Variants in NUP107 observed in about 807,000 individuals in gnomAD.
NUP107 encodes the protein nuclear pore complex protein Nup107.
In NUP107, 101 loss-of-function variants were observed where a neutral mutation model predicts 141.0. The ratio of observed to expected loss-of-function variants is 0.72; its 90% CI spans 0.61 to 0.84. The LOEUF is 0.84. Ranked by LOEUF, NUP107 falls within the 40% of genes least tolerant of loss-of-function variation. The pLI, the probability that NUP107 is intolerant of heterozygous loss-of-function variation, is 0.00. For missense variants in NUP107, 941 were observed against 1,102.7 expected, an observed-to-expected ratio of 0.85 and a Z score of 2.08; for synonymous variants, 319 against 363.9, an observed-to-expected ratio of 0.88 and a Z score of 1.41.
intron 26 of NUP107, among the ~76,000 whole-genome samples, chr12:68,739,028 G>A (rs1295461018): frequency 6.6e-6 from 1 of 151,240 alleles, no homozygotes; most frequent in Non-Finnish European, 1.5e-5. Flanking sequence ...ACTATATCCT[G>A]GCATTCTGGG....
At chr12:68,723,728 C>T (rs991808640) in intron 17 of NUP107, among the ~76,000 whole-genome samples, 3 of 152,120 alleles carry the variant, frequency 2.0e-5, no homozygotes, top group African/African-American at 7.2e-5. Flanking sequence ...TTATGTTTTG[C>T]CAATCCATCA....
At chr12:68,709,415 T>G in intron 9 of NUP107, 106 bp downstream of exon 9, 1 of 616,424 alleles carries the variant, frequency 1.6e-6, no homozygotes, top group Non-Finnish European at 2.8e-6. Flanking sequence ...CTGAATTTTT[T>G]TTCTACTTGA....
Position 68,744,342 on chromosome 12 carries a change from A to T in NUP107, c.*1880A>T, listed in dbSNP as rs1878435416. 1 of 151,884 alleles carries T rather than the reference A, an allele frequency of 6.6e-6. No homozygotes were observed. Among genetic ancestry groups the T allele is most frequent in the Admixed American group, 6.6e-5 (1 of 15,242 alleles). 9.4% of individuals were successfully genotyped at this position (151,884 alleles called of 1,614,324 possible). A position where few individuals can be genotyped will look rare whatever the true frequency, so the allele number is the denominator to read the frequency against. On this transcript the variant is annotated 3_prime_UTR_variant, in exon 28 of 28. Transcript: ENST00000229179. ...AATTACAAAATTCCTTCAACCTTAG[A>T]CTCTTAATTAGGATGCCCTCAAATG...
chr12:68,700,179 C>T lies in NUP107; in HGVS notation c.553-547C>T, dbSNP rs1484967857. ...TCGGCCTCCCAAAGTGCTGGGATTA[C>T]AAGCGTGAGTCACCACGCCCAGCCT... is the stretch of plus-strand genomic sequence containing the variant. On this transcript the variant is annotated intron_variant, in intron 6 of 27. Transcript: ENST00000229179. Among the ~76,000 whole-genome samples the T allele has an allele frequency of 2.0e-5, 3 of 152,288 alleles. No individual in the cohort carries two copies. In the East Asian group the frequency reaches 5.8e-4, roughly 29 times the overall value.
chr12:68,736,210 G>A (rs1338020019), intron 26 of NUP107, among the ~76,000 whole-genome samples: 1 of 152,078 alleles, frequency 6.6e-6, no homozygotes, highest in African/African-American at 2.4e-5. Flanking sequence ...AACAGTAAGT[G>A]TTCTTGGTAT....
At chr12:68,694,156 T>C (rs1187572009) in intron 5 of NUP107, among the ~76,000 whole-genome samples, 1 of 152,228 alleles carries the variant, frequency 6.6e-6, no homozygotes, top group African/African-American at 2.4e-5. Context: ...TACTTTCTTG[T>C]AGTATCTGTC....
At chr12:68,699,652 G>GA (rs1488857434) in intron 6 of NUP107, among the ~76,000 whole-genome samples, 1 of 152,178 alleles carries the variant, frequency 6.6e-6, no homozygotes, top group Non-Finnish European at 1.5e-5. Flanking sequence ...TAAGACAGTA[G>GA]TAACATTACT....
At chr12:68,720,477 G>T (rs1334102144) in intron 14 of NUP107, among the ~76,000 whole-genome samples, 1 of 152,114 alleles carries the variant, frequency 6.6e-6, no homozygotes, top group Non-Finnish European at 1.5e-5. Flanking sequence ...GAATTATTTG[G>T]ACACTAAGTC....
Position 68,742,424 on chromosome 12 carries a change from C to G in NUP107, c.2740C>G (p.Gln914Glu). Residue 914 changes from glutamine (Q) to glutamate (E), a missense_variant, in exon 28 of 28, where the codon CAG becomes GAG. Gln to Glu is a conservative substitution (Grantham distance 29). Transcript: ENST00000229179. Reference sequence around the variant, plus strand: ...AGAGTCCTCTCTAATGCTCCTAGACCAGGGACTTGACCCATTAGGGTATGA... The same window carrying G: ...AGAGTCCTCTCTAATGCTCCTAGACGAGGGACTTGACCCATTAGGGTATGA... ...LRESSLMLLDQGLDPLGYEIQ... is the reference protein window; with the variant it reads ...LRESSLMLLDEGLDPLGYEIQ... 1 of 1,606,902 alleles carries G rather than the reference C, an allele frequency of 6.2e-7. No homozygotes were observed. Among genetic ancestry groups the G allele is most frequent in the Middle Eastern group, 1.7e-4 (1 of 6,042 alleles).
chr12:68,709,767 T>C (rs1876760125), intron 9 of NUP107, among the ~76,000 whole-genome samples: 1 of 151,892 alleles, frequency 6.6e-6, no homozygotes, highest in Non-Finnish European at 1.5e-5. Flanking sequence ...TGGGCGCCTG[T>C]AGTCCCAGCT....
rs139222679 is a variant in NUP107, at chr12:68,712,696, G to T, written c.891-1034G>T. 2.9e-3 allele frequency among the ~76,000 whole-genome samples: 415 copies of T among 145,482 alleles called. 3 individuals are homozygous for T. The highest frequency in any genetic ancestry group is 0.01 in the African/African-American group (394 of 39,346). On this transcript the variant is annotated intron_variant, in intron 10 of 27. Transcript: ENST00000229179. ...GTTGGGTTTTTACAATTTTTAATGA[G>T]TTAATCTCCTTTTTTTTGCTGATCA...
chr12:68,724,329 T>C (rs1037326733), intron 17 of NUP107, among the ~76,000 whole-genome samples: 3 of 152,180 alleles, frequency 2.0e-5, no homozygotes. Context: ...AAATAAGACA[T>C]AAATAAATAG....
chr12:68,705,015 G>A (rs1227750598), intron 8 of NUP107, among the ~76,000 whole-genome samples: 1 of 151,736 alleles, frequency 6.6e-6, no homozygotes, highest in Non-Finnish European at 1.5e-5. Flanking sequence ...CCCAAGTAGC[G>A]AGGACTACAG....
intron 20 of NUP107, among the ~76,000 whole-genome samples, chr12:68,728,381 C>T (rs982628886): frequency 9.4e-5 from 14 of 149,560 alleles, no homozygotes; most frequent in African/African-American, 3.2e-4. Context: ...CGCTTGAGCC[C>T]AGGAGTTCAA....
chr12:68,721,434 C>T (rs1877344120), intron 15 of NUP107, among the ~76,000 whole-genome samples: 3 of 152,044 alleles, frequency 2.0e-5, no homozygotes, highest in Admixed American at 2.0e-4. Flanking sequence ...AAATTTAACT[C>T]CAACACACAT....
Position 68,744,056 on chromosome 12 carries a change from G to A in NUP107, c.*1594G>A, listed in dbSNP as rs1383329784. ...TTACTTGCAACAAACTGTATATATA[G>A]AAACTTTGTACAACCCAGGGTGACT... On this transcript the variant is annotated 3_prime_UTR_variant, in exon 28 of 28. Coordinates refer to ENST00000229179, the MANE Select transcript of NUP107 (RefSeq NM_020401.4). 6.6e-6 allele frequency: 1 copy of A among 152,176 alleles called. No individual in the cohort carries two copies. Among genetic ancestry groups the A allele is most frequent in the Non-Finnish European group, 1.5e-5 (1 of 68,016 alleles). The allele number at this position is 152,176 out of a possible 1,614,324, so 9.4% of individuals were successfully genotyped here. A position where few individuals can be genotyped will look rare whatever the true frequency, so the allele number is the denominator to read the frequency against.
intron 7 of NUP107, among the ~76,000 whole-genome samples, chr12:68,701,328 A>G (rs117890892): frequency 6.6e-6 from 1 of 152,346 alleles, no homozygotes; most frequent in Non-Finnish European, 1.5e-5. Context: ...CTACTAAGGA[A>G]TTGGCTAAAT....
chr12:68,736,257 AG>A (rs1417425894), intron 26 of NUP107, among the ~76,000 whole-genome samples: 1 of 151,956 alleles, frequency 6.6e-6, no homozygotes, highest in Non-Finnish European at 1.5e-5. Flanking sequence ...TCATCTATTT[AG>A]TACTTTTTCT....
chr12:68,720,675 A>C (rs1877315081), intron 14 of NUP107, among the ~76,000 whole-genome samples: 1 of 152,184 alleles, frequency 6.6e-6, no homozygotes, highest in African/African-American at 2.4e-5. Flanking sequence ...TAAAATGGGG[A>C]ATTAGTTAGT....
Sources: gnomAD v4.1 joint callset for allele counts (sites outside exome capture counted in the v4.1 genomes callset) on GRCh38, gnomAD v4.1.1 for gene constraint, MANE v1.5 for transcripts, NCBI Gene and HGNC (gene_info 2026-07-23, HGNC 2026-07-21) for gene names.